PRKCA: variants seen among roughly 807,000 people sequenced by gnomAD.
PRKCA encodes protein kinase C alpha, also known as protein kinase C alpha type.
Under a neutral mutation model 87.0 loss-of-function variants are expected in PRKCA, and 27 were observed. That is an observed-to-expected ratio of 0.31 (90% CI 0.23 to 0.43). The LOEUF (loss-of-function observed/expected upper bound fraction) is 0.43, where lower values mean the gene tolerates loss of function less well. Ranked by LOEUF, PRKCA falls within the 20% of genes least tolerant of loss-of-function variation. PRKCA has a pLI of 1.00. For missense variants in PRKCA, 518 were observed against 852.3 expected (o/e 0.61, Z 4.88); for synonymous variants, 329 against 311.1 (o/e 1.06, Z -0.61).
intron 2 of PRKCA, among the ~76,000 whole-genome samples, chr17:66,359,280 C>G (rs376079454): frequency 1.3e-5 from 2 of 152,068 alleles, no homozygotes; most frequent in Admixed American, 1.3e-4. Context: ...CCCACAGACA[C>G]GCGTCACTTT....
chr17:66,751,724 C>T (rs1974431067), intron 13 of PRKCA, among the ~76,000 whole-genome samples: 1 of 152,186 alleles, frequency 6.6e-6, no homozygotes, highest in Non-Finnish European at 1.5e-5. Context: ...ACCTCCTATG[C>T]CCCTGCCACC....
chr17:66,350,866 C>A (rs995781470), intron 2 of PRKCA, among the ~76,000 whole-genome samples: 1 of 152,186 alleles, frequency 6.6e-6, no homozygotes, highest in Non-Finnish European at 1.5e-5. Flanking sequence ...CATGAGCATT[C>A]GTGTGCAAAT....
chr17:66,647,836 C>T (rs1971496017), intron 5 of PRKCA, among the ~76,000 whole-genome samples: 3 of 152,316 alleles, frequency 2.0e-5, no homozygotes, highest in South Asian at 4.1e-4. Context: ...CTTATGCCAA[C>T]TCTCTGGGCT....
intron 3 of PRKCA, among the ~76,000 whole-genome samples, chr17:66,545,045 C>CT (rs1384119417): frequency 6.6e-6 from 1 of 152,202 alleles, no homozygotes; most frequent in Non-Finnish European, 1.5e-5. Flanking sequence ...GATTGCCAGA[C>CT]TTTTTTCTAG....
At chr17:66,320,672 A>G (rs1905604438) in intron 2 of PRKCA, among the ~76,000 whole-genome samples, 1 of 152,148 alleles carries the variant, frequency 6.6e-6, no homozygotes, top group Admixed American at 6.6e-5. Flanking sequence ...GAAATTGTAT[A>G]TTTTTTCTCT....
intron 3 of PRKCA, among the ~76,000 whole-genome samples, chr17:66,538,333 AT>A (rs1967860484): frequency 4.6e-5 from 7 of 152,152 alleles, no homozygotes; most frequent in Admixed American, 3.9e-4. Flanking sequence ...GCTCTGGGCT[AT>A]TTATGAGACA....
At chr17:66,750,290 G>A (rs141066441) in intron 13 of PRKCA, among the ~76,000 whole-genome samples, 3 of 152,182 alleles carry the variant, frequency 2.0e-5, no homozygotes, top group East Asian at 3.9e-4. Context: ...ACCAAAGGGC[G>A]GCTTTCTTTC....
chr17:66,565,134 T>C (rs1258631100), intron 3 of PRKCA, among the ~76,000 whole-genome samples: 1 of 152,210 alleles, frequency 6.6e-6, no homozygotes, highest in African/African-American at 2.4e-5. Context: ...CGTTAAGCCT[T>C]GGTTTCCTAA....
At chr17:66,364,297 C>T (rs946097870) in intron 2 of PRKCA, 3 of 152,248 alleles carry the variant, frequency 2.0e-5, no homozygotes, top group African/African-American at 4.8e-5. Flanking sequence ...GCACTCCAGC[C>T]TGACCAACAT....
chr17:66,528,628 C>T (rs1029660610), intron 3 of PRKCA, among the ~76,000 whole-genome samples: 16 of 152,096 alleles, frequency 1.1e-4, no homozygotes, highest in African/African-American at 2.7e-4. Context: ...CGGAACTCTG[C>T]GAGCACCTCC....
chr17:66,690,104 C>G (rs988960636), intron 8 of PRKCA, among the ~76,000 whole-genome samples: 6 of 152,116 alleles, frequency 3.9e-5, no homozygotes, highest in Admixed American at 6.5e-5. Flanking sequence ...TCATGCCCCC[C>G]ACAAAAGAAA....
At chr17:66,625,717 G>A (rs1214520574) in intron 3 of PRKCA, among the ~76,000 whole-genome samples, 1 of 152,144 alleles carries the variant, frequency 6.6e-6, no homozygotes, top group Non-Finnish European at 1.5e-5. Flanking sequence ...ACCAGAAGAA[G>A]CCTTATTGCC....
chr17:66,741,286 T>C (rs1974153808), intron 11 of PRKCA, among the ~76,000 whole-genome samples: 3 of 152,216 alleles, frequency 2.0e-5, no homozygotes, highest in Admixed American at 2.0e-4. Flanking sequence ...CAAACACCAG[T>C]GTATTCTGCC....
intron 5 of PRKCA, among the ~76,000 whole-genome samples, chr17:66,675,175 G>T: frequency 6.6e-6 from 1 of 152,208 alleles, no homozygotes; most frequent in Non-Finnish European, 1.5e-5. Flanking sequence ...CAAGTTCAGG[G>T]CACAGGAAGA....
intron 3 of PRKCA, among the ~76,000 whole-genome samples, chr17:66,590,798 C>T (rs1043421072): frequency 2.0e-5 from 3 of 151,882 alleles, no homozygotes; most frequent in African/African-American, 4.8e-5. Flanking sequence ...TGCAGTGAGC[C>T]GAGATCACGC....
At chr17:66,482,826 G>A (rs1402946796) in intron 2 of PRKCA, among the ~76,000 whole-genome samples, 3 of 152,230 alleles carry the variant, frequency 2.0e-5, no homozygotes, top group African/African-American at 7.2e-5. Context: ...ATGAGCAAAT[G>A]AGTCTATACT....
At chr17:66,444,466 C>CAGAT (rs1203966400) in intron 2 of PRKCA, among the ~76,000 whole-genome samples, 3 of 152,186 alleles carry the variant, frequency 2.0e-5, no homozygotes, top group Non-Finnish European at 4.4e-5. Flanking sequence ...GACCTATCGT[C>CAGAT]AGATAGTTCC....
chr17:66,625,771 G>T (rs1034695901), intron 3 of PRKCA, among the ~76,000 whole-genome samples: 3 of 152,304 alleles, frequency 2.0e-5, no homozygotes, highest in Admixed American at 2.0e-4. Context: ...GTCTAGCACA[G>T]GGTCAGGCCC....
At position 66,804,031 on chromosome 17, in the gene PRKCA, A is replaced by G. The variant is rs765807059; in HGVS notation, c.2013A>G (p.Ala671=). 3.0e-5 allele frequency: 48 copies of G among 1,601,684 alleles called. No homozygotes were observed. The highest frequency in any genetic ancestry group is 8.4e-5 in the Admixed American group (5 of 59,796). ...PQFVHPILQS[A]V ...TTGTGCACCCCATCTTACAGAGTGC[A>G]GTATGAAACTCACCAGCGAGAACAA... Residue 671 remains alanine (A), a synonymous_variant, in exon 17 of 17, where the codon GCA becomes GCG. Transcript: ENST00000413366.
Sources: gnomAD v4.1 joint callset for allele counts (sites outside exome capture counted in the v4.1 genomes callset) on GRCh38, gnomAD v4.1.1 for gene constraint, MANE v1.5 for transcripts, NCBI Gene and HGNC (gene_info 2026-07-23, HGNC 2026-07-21) for gene names.